Variants in NTRK2 observed in about 807,000 individuals in gnomAD.
The protein encoded by NTRK2 is BDNF/NT-3 growth factors receptor.
Under a neutral mutation model 94.5 loss-of-function variants are expected in NTRK2, and 13 were observed. The ratio of observed to expected loss-of-function variants is 0.14; its 90% CI spans 0.09 to 0.22. The LOEUF (loss-of-function observed/expected upper bound fraction) is 0.22. Ranked by LOEUF, NTRK2 falls within the 10% of genes least tolerant of loss-of-function variation. The probability of loss-of-function intolerance (pLI) is 1.00; values close to 1 mark genes in which losing one functional copy is unlikely to be tolerated. For synonymous variants in NTRK2, 372 were observed against 407.4 expected, an observed-to-expected ratio of 0.91 and a Z score of 1.05; for missense variants, 639 against 1,071.2, an observed-to-expected ratio of 0.60 and a Z score of 5.63.
At chr9:84,671,427 T>C (rs1295559684) in intron 2 of NTRK2, among the ~76,000 whole-genome samples, 1 of 144,302 alleles carries the variant, frequency 6.9e-6, no homozygotes, top group Non-Finnish European at 1.6e-5. Context: ...CCTTAACATC[T>C]TTTTTGAGAT....
intron 14 of NTRK2, chr9:84,874,662 G>A (rs939747125): frequency 1.9e-6 from 2 of 1,061,778 alleles, no homozygotes; most frequent in East Asian, 5.1e-5. Flanking sequence ...CAACCTGGTT[G>A]CCACATAAAG....
At chr9:84,936,119 A>G (rs2078206442) in intron 15 of NTRK2, among the ~76,000 whole-genome samples, 1 of 152,138 alleles carries the variant, frequency 6.6e-6, no homozygotes, top group South Asian at 2.1e-4. Context: ...ATCCTGGGAG[A>G]CTAGGGAATC....
intron 12 of NTRK2, among the ~76,000 whole-genome samples, chr9:84,798,961 C>T (rs2586569): frequency 0.84 from 122,474 of 145,306 alleles, 51,771 homozygotes; most frequent in East Asian, 0.91. Flanking sequence ...ATCTGCACAT[C>T]AGCCCCAAAT....
rs547860098 is a variant in NTRK2, at chr9:84,976,309, G to A, written c.2172+20792G>A. On this transcript the variant is annotated intron_variant, in intron 17 of 18. Transcript: ENST00000277120. ...CCTGTGTGGCAGAGAGAGCTCTGTT[G>A]TCTCTTCCTCTTTTATAAGGACACA... is the stretch of plus-strand genomic sequence containing the variant. 5.3e-5 allele frequency among the ~76,000 whole-genome samples: 8 copies of A among 152,302 alleles called. No homozygotes were observed. The South Asian group carries it at 1.4e-3, about 28-fold the overall frequency.
chr9:84,919,477 C>T (rs2077495888), intron 14 of NTRK2, among the ~76,000 whole-genome samples: 1 of 152,190 alleles, frequency 6.6e-6, no homozygotes, highest in African/African-American at 2.4e-5. Context: ...TAAGGCCTGG[C>T]TCTTTAACTG....
intron 17 of NTRK2, among the ~76,000 whole-genome samples, chr9:84,987,542 A>G (rs1231445534): frequency 6.6e-6 from 1 of 152,178 alleles, no homozygotes; most frequent in East Asian, 1.9e-4. Context: ...TTGATGATTC[A>G]TTTTTGAGGA....
intron 16 of NTRK2, among the ~76,000 whole-genome samples, chr9:84,949,780 G>A (rs1427516197): frequency 2.0e-5 from 3 of 152,170 alleles, no homozygotes; most frequent in Non-Finnish European, 4.4e-5. Context: ...TTGGGTTTTA[G>A]TTCAGCTGTG....
chr9:84,921,135 A>T (rs895250356), intron 14 of NTRK2, among the ~76,000 whole-genome samples: 2 of 152,236 alleles, frequency 1.3e-5, no homozygotes, highest in Non-Finnish European at 2.9e-5. Flanking sequence ...CAGCCAGATT[A>T]GTCTGACCCT....
intron 12 of NTRK2, among the ~76,000 whole-genome samples, chr9:84,835,867 T>C (rs534469705): frequency 7.9e-4 from 120 of 152,332 alleles, no homozygotes; most frequent in African/African-American, 2.7e-3. Flanking sequence ...TCCCCTGCAA[T>C]GCCAGCAAAT....
rs1253235302 is a variant in NTRK2, at chr9:85,023,880, G to T, written c.*2443G>T. 8.7e-6 allele frequency: 2 copies of T among 229,532 alleles called. No homozygotes were observed. The highest frequency in any genetic ancestry group is 4.4e-5 in the African/African-American group (2 of 45,128). The allele number at this position is 229,532 out of a possible 1,614,324, so 14.2% of individuals were successfully genotyped here. A position where few individuals can be genotyped will look rare whatever the true frequency, so the allele number is the denominator to read the frequency against. On this transcript the variant is annotated 3_prime_UTR_variant, in exon 19 of 19. Transcript: ENST00000277120. The stretch of plus-strand genomic sequence containing the variant: ...ATTTATTTTATTTTAAGAGAATAAA[G>T]TAGGTAATAATTTAAGGGATCAAAT...
At chr9:85,012,564 T>G (rs1831743878) in intron 17 of NTRK2, among the ~76,000 whole-genome samples, 1 of 152,214 alleles carries the variant, frequency 6.6e-6, no homozygotes, top group Non-Finnish European at 1.5e-5. Flanking sequence ...AAAGACATTT[T>G]TCTAATATCT....
At chr9:84,899,219 A>C (rs536943792) in intron 14 of NTRK2, among the ~76,000 whole-genome samples, 53 of 152,366 alleles carry the variant, frequency 3.5e-4, no homozygotes, top group Non-Finnish European at 5.1e-4. Flanking sequence ...AAAGACAAAC[A>C]GGAGTATTAA....
At chr9:84,872,013 C>G in intron 14 of NTRK2, 1 of 1,491,124 alleles carries the variant, frequency 6.7e-7, no homozygotes, top group Middle Eastern at 1.9e-4. Context: ...GCTCTAATGA[C>G]TAACCCCTCA....
rs2074436900 is a variant in NTRK2 at position 84,845,740 on chromosome 9, G to A, written c.1397-15300G>A. 2.0e-5 allele frequency among the ~76,000 whole-genome samples: 3 copies of A among 152,104 alleles called. No homozygotes were observed. The South Asian group carries it at 6.2e-4, about 32-fold the overall frequency. ...CCATGAGGATGCGAAAACATACAGA[G>A]TGATATAATAGACTGTGGGGACTTG... On this transcript the variant is annotated intron_variant, in intron 12 of 18. Coordinates refer to ENST00000277120, the MANE Select transcript of NTRK2 (RefSeq NM_006180.6).
chr9:84,960,597 T>A (rs72739949), intron 17 of NTRK2, among the ~76,000 whole-genome samples: 10,671 of 152,226 alleles, frequency 0.07, 630 homozygotes, highest in East Asian at 0.33. Flanking sequence ...CACAGATGTT[T>A]TTACCATCTT....
At chr9:85,010,795 A>T (rs537258249) in intron 17 of NTRK2, among the ~76,000 whole-genome samples, 1 of 152,310 alleles carries the variant, frequency 6.6e-6, no homozygotes, top group East Asian at 1.9e-4. Context: ...CTGAGAGAAG[A>T]TTTACTTGCT....
chr9:84,695,595 A>T (rs1484305832), intron 2 of NTRK2, among the ~76,000 whole-genome samples: 1 of 152,202 alleles, frequency 6.6e-6, no homozygotes, highest in Non-Finnish European at 1.5e-5. Context: ...TTGAGACTGG[A>T]GAAGATTTGG....
chr9:84,782,370 G>A (rs1161510407), intron 12 of NTRK2, among the ~76,000 whole-genome samples: 1 of 152,194 alleles, frequency 6.6e-6, no homozygotes, highest in Non-Finnish European at 1.5e-5. Flanking sequence ...GTATGAGGCT[G>A]TATCCCCTCT....
intron 17 of NTRK2, among the ~76,000 whole-genome samples, chr9:85,004,008 G>A (rs541438272): frequency 7.8e-4 from 17 of 21,924 alleles, no homozygotes; most frequent in African/African-American, 4.1e-3. Flanking sequence ...AAGAAAGAAA[G>A]AAAAGAAAGA....
Sources: allele counts gnomAD v4.1 joint callset (sites outside exome capture counted in the v4.1 genomes callset), GRCh38; gene constraint gnomAD v4.1.1; transcripts MANE v1.5; gene names NCBI Gene and HGNC (gene_info 2026-07-23, HGNC 2026-07-21).